Variants in VAV3 observed in about 807,000 individuals in gnomAD.
The protein encoded by VAV3 is vav guanine nucleotide exchange factor 3, also known as guanine nucleotide exchange factor VAV3.
VAV3 carries 94 observed loss-of-function variants against 131.2 expected under a neutral mutation model. The ratio of observed to expected loss-of-function variants is 0.72; its 90% CI spans 0.61 to 0.85. The LOEUF is 0.85. Among genes scored for constraint, VAV3 ranks in the 40% least tolerant of loss-of-function variants. The probability of loss-of-function intolerance (pLI) is 0.00; values close to 1 mark genes in which losing one functional copy is unlikely to be tolerated. For synonymous variants in VAV3, 349 were observed against 342.0 expected (o/e 1.02, Z -0.22); for missense variants, 939 against 1,002.7 (o/e 0.94, Z 0.86).
chr1:107,646,800 C>T (rs1026685605), intron 19 of VAV3, among the ~76,000 whole-genome samples: 4 of 151,896 alleles, frequency 2.6e-5, no homozygotes, highest in Admixed American at 6.6e-5. Context: ...TACTAATAGT[C>T]GTGTGTTTCT....
chr1:107,836,517 T>A (rs912632265), intron 2 of VAV3, among the ~76,000 whole-genome samples: 1 of 152,002 alleles, frequency 6.6e-6, no homozygotes, highest in Non-Finnish European at 1.5e-5. Flanking sequence ...CTACAGGAAC[T>A]GGAAAAACAA....
At chr1:107,953,882 C>G (rs1351118588) in intron 1 of VAV3, among the ~76,000 whole-genome samples, 2 of 152,188 alleles carry the variant, frequency 1.3e-5, no homozygotes, top group African/African-American at 2.4e-5. Flanking sequence ...AAAGAACTCT[C>G]ATGTGAGTAG....
chr1:107,726,838 G>A lies in VAV3; in HGVS notation c.1503-21777C>T, dbSNP rs554692427. Among the ~76,000 whole-genome samples, 5 of 152,144 alleles carry A rather than the reference G, an allele frequency of 3.3e-5. No individual in the cohort carries two copies. The South Asian group carries it at 6.2e-4, about 19-fold the overall frequency. ...AATTTTACTGATGGTTTACAGAGTG[G>A]GTACACAAAGTTTAAAGCATGTCAT... On this transcript the variant is annotated intron_variant, in intron 15 of 26. Transcript: ENST00000370056.
intron 2 of VAV3, among the ~76,000 whole-genome samples, chr1:107,784,415 T>C (rs1220262462): frequency 1.3e-5 from 2 of 152,334 alleles, no homozygotes; most frequent in Non-Finnish European, 2.9e-5. Flanking sequence ...TTCAACATTT[T>C]TCTGCAAAAT....
At chr1:107,908,723 C>T (rs547710855) in intron 1 of VAV3, among the ~76,000 whole-genome samples, 64 of 151,902 alleles carry the variant, frequency 4.2e-4, no homozygotes, top group African/African-American at 1.4e-3. Context: ...AATGTAACAA[C>T]AGGGGTAAGA....
intron 17 of VAV3, among the ~76,000 whole-genome samples, chr1:107,692,014 C>T (rs1182858228): frequency 6.7e-6 from 1 of 148,978 alleles, no homozygotes; most frequent in East Asian, 2.0e-4. Context: ...TTTGCTTTGT[C>T]TCTTATCTGA....
intron 1 of VAV3, among the ~76,000 whole-genome samples, chr1:107,938,621 T>C (rs1368394768): frequency 2.6e-5 from 4 of 152,212 alleles, no homozygotes; most frequent in Non-Finnish European, 4.4e-5. Flanking sequence ...TTTCTCTCCA[T>C]GTTTCCTGTT....
At chr1:107,581,356 A>G (rs1253925749) in intron 25 of VAV3, among the ~76,000 whole-genome samples, 1 of 152,210 alleles carries the variant, frequency 6.6e-6, no homozygotes, top group African/African-American at 2.4e-5. Context: ...GCTAACATAC[A>G]TGGGGCATTA....
chr1:107,894,331 T>G (rs2101068755), intron 1 of VAV3, among the ~76,000 whole-genome samples: 1 of 152,174 alleles, frequency 6.6e-6, no homozygotes, highest in African/African-American at 2.4e-5. Flanking sequence ...GAAGAAAAGG[T>G]AGAAGTAAAA....
chr1:107,580,585 C>T (rs1246986118), intron 25 of VAV3, among the ~76,000 whole-genome samples: 2 of 152,102 alleles, frequency 1.3e-5, no homozygotes, highest in Non-Finnish European at 1.5e-5. Context: ...GGTAGGGATG[C>T]TTTCTACTTT....
At chr1:107,824,547 A>G (rs1161139785) in intron 2 of VAV3, among the ~76,000 whole-genome samples, 2 of 152,196 alleles carry the variant, frequency 1.3e-5, no homozygotes, top group Admixed American at 6.5e-5. Flanking sequence ...CAGAACCCCA[A>G]ACAAATAAAA....
intron 1 of VAV3, among the ~76,000 whole-genome samples, chr1:107,950,753 A>G (rs1674492207): frequency 6.6e-6 from 1 of 152,158 alleles, no homozygotes; most frequent in Non-Finnish European, 1.5e-5. Context: ...ATAAATTCTG[A>G]CAGGACTCGA....
intron 1 of VAV3, among the ~76,000 whole-genome samples, chr1:107,954,328 A>G (rs1330576688): frequency 1.3e-5 from 2 of 152,210 alleles, no homozygotes; most frequent in African/African-American, 4.8e-5. Context: ...CATGTGCTTG[A>G]GACCAGCTGT....
chr1:107,880,266 G>C (rs1466034016), intron 1 of VAV3, among the ~76,000 whole-genome samples: 4 of 152,196 alleles, frequency 2.6e-5, no homozygotes, highest in Non-Finnish European at 4.4e-5. Context: ...GGAGTGGTTG[G>C]TGTTTAGAAG....
At chr1:107,710,964 A>G (rs1406322231) in intron 15 of VAV3, among the ~76,000 whole-genome samples, 2 of 152,168 alleles carry the variant, frequency 1.3e-5, no homozygotes, top group African/African-American at 2.4e-5. Context: ...ATAATAGAAA[A>G]CATATCTAAT....
At chr1:107,919,444 G>A (rs921479395) in intron 1 of VAV3, among the ~76,000 whole-genome samples, 3 of 152,160 alleles carry the variant, frequency 2.0e-5, no homozygotes, top group African/African-American at 7.2e-5. Context: ...AAACTGGAAA[G>A]TTGTCTAAAA....
At chr1:107,722,166 C>G (rs1301989136) in intron 15 of VAV3, among the ~76,000 whole-genome samples, 1 of 152,182 alleles carries the variant, frequency 6.6e-6, no homozygotes, top group African/African-American at 2.4e-5. Context: ...ATGGCCTGAA[C>G]ACAGCCTCAT....
At chr1:107,886,096 G>C (rs1223366764) in intron 1 of VAV3, among the ~76,000 whole-genome samples, 2 of 152,216 alleles carry the variant, frequency 1.3e-5, no homozygotes, top group African/African-American at 4.8e-5. Context: ...AATTTTGGAG[G>C]AAATGCAGGA....
At chr1:107,621,480 C>G (rs1653597884) in intron 20 of VAV3, among the ~76,000 whole-genome samples, 3 of 151,990 alleles carry the variant, frequency 2.0e-5, no homozygotes, top group Admixed American at 2.0e-4. Flanking sequence ...TTCATTAATA[C>G]TAATGGGTGG....
Sources: gnomAD v4.1 joint callset for allele counts (sites outside exome capture counted in the v4.1 genomes callset) on GRCh38, gnomAD v4.1.1 for gene constraint, MANE v1.5 for transcripts, NCBI Gene and HGNC (gene_info 2026-07-23, HGNC 2026-07-21) for gene names.